The following KLHL1 variants were observed in gnomAD, a reference collection of about 807,000 sequenced individuals.
KLHL1 encodes the protein kelch like family member 1, also known as kelch-like protein 1.
KLHL1 carries 47 observed loss-of-function variants against 77.7 expected under a neutral mutation model. The ratio of observed to expected loss-of-function variants is 0.60; its 90% CI spans 0.48 to 0.77. The LOEUF (loss-of-function observed/expected upper bound fraction) is 0.77, where lower values mean the gene tolerates loss of function less well. Ranked by LOEUF, KLHL1 falls within the 30% of genes least tolerant of loss-of-function variation. KLHL1 has a pLI of 0.00. For missense variants in KLHL1, 925 were observed against 910.8 expected (o/e 1.02, Z -0.20); for synonymous variants, 360 against 325.2 (o/e 1.11, Z -1.15).
Position 69,882,325 on chromosome 13 carries a change from G to T in KLHL1, c.1185C>A (p.Ser395Arg). The change falls in exon 5 of 11, where the codon AGC (serine) becomes AGA (arginine). Residue 395 changes from serine (S) to arginine (R), a missense_variant. Coordinates refer to ENST00000377844, the MANE Select transcript of KLHL1 (RefSeq NM_020866.3). ...YDMQSRCNDL[S>R]MLLAFIRLPL... is the part of the protein sequence containing the mutation. ...GCAGTCTTATAAAGGCAAGAAGCAT[G>T]CTCAGGTCATTGCATCTACTCTGCA... is the stretch of plus-strand genomic sequence containing the variant. The T allele has an allele frequency of 1.2e-6, 2 of 1,613,914 alleles. No individual in the cohort carries two copies. The highest frequency in any genetic ancestry group is 2.2e-5 in the South Asian group (2 of 91,078).
intron 1 of KLHL1, among the ~76,000 whole-genome samples, chr13:69,979,769 A>G (rs1884655796): frequency 6.6e-6 from 1 of 152,226 alleles, no homozygotes; most frequent in African/African-American, 2.4e-5. Flanking sequence ...ATGACTTTTT[A>G]TCAGATTTAA....
chr13:70,023,019 C>T (rs146110876), intron 1 of KLHL1, among the ~76,000 whole-genome samples: 24 of 152,022 alleles, frequency 1.6e-4, no homozygotes, highest in South Asian at 4.1e-4. Flanking sequence ...CCTCTTAAAG[C>T]GTTCCTCTGG....
At chr13:69,870,923 C>A (rs1880557474) in intron 5 of KLHL1, among the ~76,000 whole-genome samples, 1 of 152,086 alleles carries the variant, frequency 6.6e-6, no homozygotes, top group Admixed American at 6.6e-5. Flanking sequence ...AAACTGACTG[C>A]TTGCAACTCT....
At chr13:69,863,199 T>G (rs1880239573) in intron 5 of KLHL1, among the ~76,000 whole-genome samples, 1 of 152,138 alleles carries the variant, frequency 6.6e-6, no homozygotes, top group Non-Finnish European at 1.5e-5. Context: ...TATTCACTTT[T>G]ATTTTTGTTT....
intron 6 of KLHL1, among the ~76,000 whole-genome samples, chr13:69,814,268 G>T (rs1878025388): frequency 6.6e-6 from 1 of 152,062 alleles, no homozygotes; most frequent in Non-Finnish European, 1.5e-5. Flanking sequence ...AAACTTAAAT[G>T]TAAGACCTCA....
chr13:70,101,422 C>T (rs1467504551), intron 1 of KLHL1, among the ~76,000 whole-genome samples: 6 of 151,702 alleles, frequency 4.0e-5, no homozygotes, highest in South Asian at 2.1e-4. Flanking sequence ...ATTCAATAGC[C>T]GTATATATAT....
intron 4 of KLHL1, among the ~76,000 whole-genome samples, chr13:69,926,831 C>G (rs914907964): frequency 1.3e-5 from 2 of 148,762 alleles, no homozygotes; most frequent in Admixed American, 1.4e-4. Context: ...CCTGTAGTCC[C>G]AGTTACTTGG....
intron 5 of KLHL1, among the ~76,000 whole-genome samples, chr13:69,840,052 TA>T (rs1218538579): frequency 6.6e-6 from 1 of 152,026 alleles, no homozygotes; most frequent in Admixed American, 6.6e-5. Flanking sequence ...TGTACATTGA[TA>T]AAAAAATTGT....
At chr13:69,756,338 A>G (rs1345028404) in intron 7 of KLHL1, among the ~76,000 whole-genome samples, 2 of 152,186 alleles carry the variant, frequency 1.3e-5, no homozygotes, top group East Asian at 3.8e-4. Context: ...AGACTTCTAT[A>G]TATTTTAATA....
At chr13:69,845,107 G>T (rs1469357143) in intron 5 of KLHL1, among the ~76,000 whole-genome samples, 1 of 151,486 alleles carries the variant, frequency 6.6e-6, no homozygotes, top group Non-Finnish European at 1.5e-5. Context: ...CTGTACATAA[G>T]CCCCACCATT....
intron 7 of KLHL1, among the ~76,000 whole-genome samples, chr13:69,746,037 T>C (rs1327231987): frequency 1.3e-5 from 2 of 151,622 alleles, no homozygotes; most frequent in Non-Finnish European, 3.0e-5. Context: ...CTTTTTTATA[T>C]ATATTACTGA....
At chr13:69,966,726 T>C (rs1022061928) in intron 2 of KLHL1, among the ~76,000 whole-genome samples, 1 of 152,168 alleles carries the variant, frequency 6.6e-6, no homozygotes. Flanking sequence ...ATGTACATTG[T>C]ACCCATTAAT....
At chr13:69,979,267 T>C (rs1884639369) in intron 1 of KLHL1, among the ~76,000 whole-genome samples, 1 of 152,064 alleles carries the variant, frequency 6.6e-6, no homozygotes, top group Non-Finnish European at 1.5e-5. Context: ...ACACATTACT[T>C]CTCTTCAAGG....
At chr13:69,845,966 T>C (rs976774853) in intron 5 of KLHL1, among the ~76,000 whole-genome samples, 24 of 151,584 alleles carry the variant, frequency 1.6e-4, no homozygotes, top group Admixed American at 1.4e-3. Flanking sequence ...TATAATAGTT[T>C]ACTATAATAC....
intron 4 of KLHL1, among the ~76,000 whole-genome samples, chr13:69,888,733 C>T (rs1406575027): frequency 6.6e-6 from 1 of 152,046 alleles, no homozygotes; most frequent in Non-Finnish European, 1.5e-5. Flanking sequence ...AATGTAATGT[C>T]TTTTAAGCCA....
At chr13:69,867,383 C>T (rs941070430) in intron 5 of KLHL1, among the ~76,000 whole-genome samples, 1 of 152,040 alleles carries the variant, frequency 6.6e-6, no homozygotes, top group Admixed American at 6.6e-5. Context: ...GCCTCACCCA[C>T]AATCAATATT....
chr13:69,979,003 G>T (rs9572325), intron 1 of KLHL1, among the ~76,000 whole-genome samples: 50,607 of 151,636 alleles, frequency 0.33, 9,191 homozygotes, highest in South Asian at 0.44. Flanking sequence ...TATTTGAAAA[G>T]AGTTATTCAA....
intron 1 of KLHL1, among the ~76,000 whole-genome samples, chr13:70,060,035 G>A (rs1886840636): frequency 6.6e-6 from 1 of 152,064 alleles, no homozygotes. Flanking sequence ...CTCTCCATGA[G>A]ATAAAGGATT....
chr13:69,741,290 TTAAA>T lies in KLHL1; in HGVS notation c.1640-738_1640-735del, dbSNP rs1593789106. Among the ~76,000 whole-genome samples, 4 of 152,208 alleles carry T rather than the reference TTAAA, an allele frequency of 2.6e-5. No homozygotes were observed. The East Asian group carries it at 7.7e-4, about 29-fold the overall frequency. On this transcript the variant is annotated intron_variant, in intron 7 of 10. Transcript: ENST00000377844. Reference sequence around the variant, plus strand: ...TAAATGCTCAACAGTTGCTAAATATTTAAATATAATGTAAATATTGATTGATGTG... The same window carrying T: ...TAAATGCTCAACAGTTGCTAAATATTTATAATGTAAATATTGATTGATGTG...
Sources: gnomAD v4.1 joint callset for allele counts (sites outside exome capture counted in the v4.1 genomes callset) on GRCh38, gnomAD v4.1.1 for gene constraint, MANE v1.5 for transcripts, NCBI Gene and HGNC (gene_info 2026-07-23, HGNC 2026-07-21) for gene names.